ADCY8: variants seen among roughly 807,000 people sequenced by gnomAD.
ADCY8 encodes the protein adenylate cyclase type 8.
ADCY8 carries 51 observed loss-of-function variants against 119.7 expected under a neutral mutation model. That is an observed-to-expected ratio of 0.43 (90% CI 0.34 to 0.54). ADCY8 has a LOEUF of 0.54. Ranked by LOEUF, ADCY8 falls within the 20% of genes least tolerant of loss-of-function variation. The pLI is 0.03. For synonymous variants in ADCY8, 665 were observed against 651.0 expected (o/e 1.02, Z -0.33); for missense variants, 1,383 against 1,598.8 (o/e 0.87, Z 2.30).
intron 10 of ADCY8, among the ~76,000 whole-genome samples, chr8:130,848,849 A>C (rs1468024602): frequency 1.3e-5 from 2 of 152,230 alleles, no homozygotes; most frequent in Admixed American, 1.3e-4. Flanking sequence ...AACCATGACA[A>C]TGTGGGTCAG....
chr8:130,788,447 T>G (rs959112283), intron 15 of ADCY8, among the ~76,000 whole-genome samples: 1 of 152,036 alleles, frequency 6.6e-6, no homozygotes, highest in African/African-American at 2.4e-5. Context: ...GTTGAACTCA[T>G]AGAAGTAGAG....
At chr8:131,031,284 T>G (rs992558950) in intron 1 of ADCY8, among the ~76,000 whole-genome samples, 1 of 152,216 alleles carries the variant, frequency 6.6e-6, no homozygotes, top group Non-Finnish European at 1.5e-5. Context: ...GTTATCAAAC[T>G]TTACCTTTTT....
intron 1 of ADCY8, among the ~76,000 whole-genome samples, chr8:130,995,527 A>C (rs1822746373): frequency 6.6e-6 from 1 of 152,162 alleles, no homozygotes. Flanking sequence ...ATCCTCTTCA[A>C]GACCATTTTG....
intron 1 of ADCY8, among the ~76,000 whole-genome samples, chr8:131,021,472 A>G (rs1183163029): frequency 6.6e-6 from 1 of 152,166 alleles, no homozygotes; most frequent in Non-Finnish European, 1.5e-5. Flanking sequence ...CTAGTAATGC[A>G]ACTGGGCACA....
At chr8:131,036,359 A>G (rs1824153782) in intron 1 of ADCY8, among the ~76,000 whole-genome samples, 3 of 152,186 alleles carry the variant, frequency 2.0e-5, no homozygotes, top group Non-Finnish European at 2.9e-5. Context: ...CGTTACACAC[A>G]TATGATGTGT....
intron 5 of ADCY8, among the ~76,000 whole-genome samples, chr8:130,936,052 G>A (rs1302342004): frequency 6.7e-6 from 1 of 149,634 alleles, no homozygotes; most frequent in African/African-American, 2.5e-5. Flanking sequence ...TTTTGAGGGT[G>A]TTAGTCACCC....
chr8:131,000,216 T>C (rs889247397), intron 1 of ADCY8, among the ~76,000 whole-genome samples: 9 of 152,174 alleles, frequency 5.9e-5, no homozygotes, highest in Non-Finnish European at 1.0e-4. Context: ...GGGTGGGGTC[T>C]AAGCAAGACC....
At chr8:130,924,336 T>C (rs2130591433) in intron 5 of ADCY8, among the ~76,000 whole-genome samples, 1 of 152,300 alleles carries the variant, frequency 6.6e-6, no homozygotes, top group South Asian at 2.1e-4. Flanking sequence ...AACATGGAGA[T>C]CCACTGCTTA....
At chr8:130,984,527 G>A (rs1376518711) in intron 2 of ADCY8, among the ~76,000 whole-genome samples, 1 of 151,846 alleles carries the variant, frequency 6.6e-6, no homozygotes, top group African/African-American at 2.4e-5. Context: ...GTGGAGAAAA[G>A]GGAAATAGAT....
chr8:130,896,718 T>G (rs1039808434), intron 7 of ADCY8, among the ~76,000 whole-genome samples: 3 of 152,172 alleles, frequency 2.0e-5, no homozygotes, highest in African/African-American at 7.2e-5. Flanking sequence ...TAATTTTTTT[T>G]TCTTTAACTC....
intron 1 of ADCY8, among the ~76,000 whole-genome samples, chr8:131,012,315 A>G (rs1339333978): frequency 6.6e-6 from 1 of 152,224 alleles, no homozygotes; most frequent in African/African-American, 2.4e-5. Context: ...ACCACCAGGT[A>G]AACCACAAGA....
At chr8:130,959,280 C>T (rs1014494495) in intron 2 of ADCY8, among the ~76,000 whole-genome samples, 2 of 152,136 alleles carry the variant, frequency 1.3e-5, no homozygotes, top group African/African-American at 4.8e-5. Flanking sequence ...TTAGTAATTA[C>T]AATGTTGACT....
At chr8:131,012,120 A>G (rs1823325673) in intron 1 of ADCY8, among the ~76,000 whole-genome samples, 1 of 152,196 alleles carries the variant, frequency 6.6e-6, no homozygotes, top group Non-Finnish European at 1.5e-5. Context: ...GAATGTTTTC[A>G]TCAGGTGACA....
At position 130,856,431 on chromosome 8, in the gene ADCY8, C is replaced by T. The variant is rs1039770911; in HGVS notation, c.2211-6628G>A. Among the ~76,000 whole-genome samples the T allele has an allele frequency of 2.0e-5, 3 of 152,208 alleles. No individual in the cohort carries two copies. In the East Asian group the frequency reaches 5.8e-4, roughly 29 times the overall value. On this transcript the variant is annotated intron_variant, in intron 9 of 17. Coordinates refer to ENST00000286355, the MANE Select transcript of ADCY8 (RefSeq NM_001115.3). ...AGTCCAGAGGAAGCAACAGACACGG[C>T]CGGGCCCTTCTTGGCTACCACCTTC...
At chr8:131,037,162 G>C (rs1343224234) in intron 1 of ADCY8, among the ~76,000 whole-genome samples, 1 of 152,104 alleles carries the variant, frequency 6.6e-6, no homozygotes, top group African/African-American at 2.4e-5. Flanking sequence ...TGTTCTTTTA[G>C]AGTTTTGGTA....
chr8:130,780,745 T>C lies in ADCY8; in HGVS notation c.3401A>G (p.Glu1134Gly). 1 of 1,614,222 alleles carries C rather than the reference T, an allele frequency of 6.2e-7. No homozygotes were observed. The highest frequency in any genetic ancestry group is 1.1e-5 in the South Asian group (1 of 91,082). The change falls in exon 18 of 18, where the codon GAG becomes GGG. Residue 1134 changes from glutamate to glycine, a missense_variant. By Grantham distance (98) the Glu-to-Gly change is moderately conservative. Coordinates refer to ENST00000286355, the MANE Select transcript of ADCY8 (RefSeq NM_001115.3). ...GTCCTTCAGGATGAGATAGGTCTCC[T>C]CTGGGACTTGGATCCGGCCACTAAC... ...TGVSGRIQVP[E>G]ETYLILKDQG...
At chr8:130,955,025 T>C (rs1821384331) in intron 2 of ADCY8, among the ~76,000 whole-genome samples, 1 of 152,186 alleles carries the variant, frequency 6.6e-6, no homozygotes, top group African/African-American at 2.4e-5. Flanking sequence ...ATCTAACAAA[T>C]ATTTATTGAG....
At chr8:130,914,144 G>T (rs971957294) in intron 5 of ADCY8, among the ~76,000 whole-genome samples, 4 of 152,140 alleles carry the variant, frequency 2.6e-5, no homozygotes, top group African/African-American at 9.7e-5. Context: ...TGGTACTGTT[G>T]TGTTTTTAAA....
chr8:130,899,167 C>T (rs1390355738), intron 7 of ADCY8, among the ~76,000 whole-genome samples: 1 of 152,178 alleles, frequency 6.6e-6, no homozygotes, highest in Non-Finnish European at 1.5e-5. Flanking sequence ...CATGAGAGTC[C>T]TTTTAGCACT....
Sources: gnomAD v4.1 joint callset for allele counts (sites outside exome capture counted in the v4.1 genomes callset) on GRCh38, gnomAD v4.1.1 for gene constraint, MANE v1.5 for transcripts, NCBI Gene and HGNC (gene_info 2026-07-23, HGNC 2026-07-21) for gene names.